MLLT1: variants seen among roughly 807,000 people sequenced by gnomAD.
MLLT1 encodes the protein MLLT1 super elongation complex subunit.
MLLT1 carries 11 observed loss-of-function variants against 55.1 expected under a neutral mutation model. The observed-to-expected ratio is 0.20, with a 90% confidence interval of 0.13 to 0.33. MLLT1 has a LOEUF of 0.33. Among genes scored for constraint, MLLT1 ranks in the 10% least tolerant of loss-of-function variants. The pLI, the probability that MLLT1 is intolerant of heterozygous loss-of-function variation, is 1.00. For synonymous variants in MLLT1, 323 were observed against 320.1 expected (o/e 1.01, Z -0.10); for missense variants, 536 against 760.6 (o/e 0.70, Z 3.47).
At chr19:6,265,069 A>C (rs1449641643) in intron 2 of MLLT1, among the ~76,000 whole-genome samples, 2 of 147,832 alleles carry the variant, frequency 1.4e-5, no homozygotes, top group African/African-American at 2.5e-5. Flanking sequence ...AAAAAACAAA[A>C]AAAAACATGA....
Position 6,240,061 on chromosome 19 carries a change from G to C in MLLT1, c.277-9348C>G, listed in dbSNP as rs2091100689. Among the ~76,000 whole-genome samples the C allele has an allele frequency of 6.6e-6, 1 of 152,156 alleles. No individual in the cohort carries two copies. Among genetic ancestry groups the C allele is most frequent in the African/African-American group, 2.4e-5 (1 of 41,430 alleles). On this transcript the variant is annotated intron_variant, in intron 3 of 11. Coordinates refer to ENST00000252674, the MANE Select transcript of MLLT1 (RefSeq NM_005934.4). This position sits in a 1 kb window ranked among gnomAD's most constrained non-coding sequence, Gnocchi z 4.7. ...ACTGTGTGACCCTGGACGGGCTGCT[G>C]CACCTCTCTGAGCCTCAGAGAGAGG...
At chr19:6,247,224 AG>A (rs1223772828) in intron 3 of MLLT1, among the ~76,000 whole-genome samples, 1 of 152,178 alleles carries the variant, frequency 6.6e-6, no homozygotes, top group Non-Finnish European at 1.5e-5. Context: ...GTCATATGAG[AG>A]AACCTAAACG....
At position 6,213,735 on chromosome 19, in the gene MLLT1, G is replaced by A. The variant is rs372936268; in HGVS notation, c.1470C>T (p.Thr490=). The change falls in exon 10 of 12, where the codon ACC becomes ACT. Residue 490 remains threonine, a synonymous_variant. Transcript: ENST00000252674. ...GTAGGTGCCCCCCCACCTTGTCGTA[G>A]GTGCCCTTCTTGAGGATCTTCTCAG... is the stretch of plus-strand genomic sequence containing the variant. ...SKPEKILKKG[T]YDKAYTDELV... is the part of the protein sequence containing the mutation. The A allele has an allele frequency of 1.0e-4, 161 of 1,607,786 alleles. No individual in the cohort carries two copies. Among genetic ancestry groups the A allele is most frequent in the Non-Finnish European group, 1.3e-4 (158 of 1,178,762 alleles).
At chr19:6,277,224 T>C (rs1261651396) in intron 1 of MLLT1, among the ~76,000 whole-genome samples, 2 of 152,212 alleles carry the variant, frequency 1.3e-5, no homozygotes, top group Non-Finnish European at 2.9e-5. Context: ...GACAGAACCC[T>C]TGGGCCTCTC....
In MLLT1 at chr19:6,222,548, T is replaced by C; in HGVS notation, c.683A>G (p.Asp228Gly). The change falls in exon 6 of 12, where the codon GAC (aspartate) becomes GGC (glycine). Residue 228 changes from aspartate to glycine, a missense_variant. Around this residue, in one of 3 missense-constraint regions of MLLT1, gnomAD observed 449 missense variants for 489.0 expected, o/e 0.92. Transcript: ENST00000252674. This position sits in a 1 kb window ranked among gnomAD's most constrained non-coding sequence, Gnocchi z 4.1. ...LEREQAKSSK[D>G]TSRKLGEGRL... The stretch of plus-strand genomic sequence containing the variant: ...GCCCTCGCCCAGCTTCCGCGAGGTG[T>C]CCTTGGAGCTTTTGGCCTGCTCACG... 1 of 1,601,018 alleles carries C rather than the reference T, an allele frequency of 6.2e-7. No individual in the cohort carries two copies. Among genetic ancestry groups the C allele is most frequent in the Non-Finnish European group, 8.5e-7 (1 of 1,179,746 alleles).
At position 6,227,233 on chromosome 19, in the gene MLLT1, A is replaced by G; in HGVS notation, c.421-131T>C. 1 of 922,120 alleles carries G rather than the reference A, an allele frequency of 1.1e-6. No individual in the cohort carries two copies. Among genetic ancestry groups the G allele is most frequent in the Non-Finnish European group, 1.6e-6 (1 of 638,808 alleles). 57.1% of individuals were successfully genotyped at this position (922,120 alleles called of 1,614,324 possible). On this transcript the variant is annotated intron_variant, in intron 4 of 11. Coordinates refer to ENST00000252674, the MANE Select transcript of MLLT1 (RefSeq NM_005934.4). This position sits in a 1 kb window ranked among gnomAD's most constrained non-coding sequence, Gnocchi z 5.1. ...AGAGCCTGAGCGCTTTCCCGAAAGA[A>G]TCCCAGGTGCTTCCCTGCTGGGGAC...
At chr19:6,246,737 C>A (rs940102452) in intron 3 of MLLT1, among the ~76,000 whole-genome samples, 1 of 152,040 alleles carries the variant, frequency 6.6e-6, no homozygotes, top group Non-Finnish European at 1.5e-5. Context: ...GTAAACGTCA[C>A]GGAATACAAA....
chr19:6,266,192 G>T (rs973851521), intron 2 of MLLT1, among the ~76,000 whole-genome samples: 2 of 149,628 alleles, frequency 1.3e-5, no homozygotes, highest in African/African-American at 5.0e-5. Context: ...CAGGAGGACT[G>T]CTTCAGCCCA....
At chr19:6,237,086 G>C (rs1421217670) in intron 3 of MLLT1, among the ~76,000 whole-genome samples, 1 of 152,262 alleles carries the variant, frequency 6.6e-6, no homozygotes, top group African/African-American at 2.4e-5. Flanking sequence ...CCGGGGTGGG[G>C]AGTCCAGGCA....
chr19:6,252,461 A>C (rs2091224657), intron 3 of MLLT1, among the ~76,000 whole-genome samples: 1 of 152,224 alleles, frequency 6.6e-6, no homozygotes, highest in Non-Finnish European at 1.5e-5. Context: ...GTCTGGAGAA[A>C]AAACCCCAAC....
At position 6,213,690 on chromosome 19, in the gene MLLT1, C is replaced by T. The variant is rs1437980733; in HGVS notation, c.1479+36G>A. On this transcript the variant is annotated intron_variant, in intron 10 of 11. Coordinates refer to ENST00000252674, the MANE Select transcript of MLLT1 (RefSeq NM_005934.4). ...CTGCAACTCCCACCACCCACCCCTC[C>T]GTAGCCTCCCCGCCTTGTCGTAGGT... 4.3e-5 allele frequency: 64 copies of T among 1,495,356 alleles called. 1 individual carries two copies. Among genetic ancestry groups the T allele is most frequent in the South Asian group, 2.4e-4 (21 of 86,390 alleles). The allele number at this position is 1,495,356 out of a possible 1,614,324, so 92.6% of individuals were successfully genotyped here. A position where few individuals can be genotyped will look rare whatever the true frequency, so the allele number is the denominator to read the frequency against.
Position 6,222,430 on chromosome 19 carries a change from G to T in MLLT1, c.801C>A (p.Ser267=), listed in dbSNP as rs1340567965. ...GTGGGGGTGGGGGCCCACCCTTGGG[G>T]GACGTGCTTTCCAGCTTGGTCTCTT... ...ALKETKLEST[S]PKGGPPPPPP... Residue 267 remains serine (S), a synonymous_variant, in exon 6 of 12, where the codon TCC becomes TCA. Coordinates refer to ENST00000252674, the MANE Select transcript of MLLT1 (RefSeq NM_005934.4). The surrounding 1 kb of genome is among the most constrained non-coding windows in gnomAD (Gnocchi z 4.1). 2.6e-6 allele frequency: 4 copies of T among 1,533,982 alleles called. No homozygotes were observed. The highest frequency in any genetic ancestry group is 3.5e-6 in the Non-Finnish European group (4 of 1,143,784).
chr19:6,213,240 G>T (rs1329343596), intron 11 of MLLT1, 70 bp from the exon 12 acceptor site: 1 of 1,610,172 alleles, frequency 6.2e-7, no homozygotes, highest in Admixed American at 1.7e-5. Flanking sequence ...CCCTAACAGA[G>T]GTAGGGGCTC....
intron 5 of MLLT1, among the ~76,000 whole-genome samples, chr19:6,225,271 A>G (rs1194490115): frequency 6.6e-6 from 1 of 152,182 alleles, no homozygotes. Context: ...TGCACTCACC[A>G]GCAGTCCCCC....
At chr19:6,238,566 G>A (rs2091084403) in intron 3 of MLLT1, among the ~76,000 whole-genome samples, 1 of 152,232 alleles carries the variant, frequency 6.6e-6, no homozygotes, top group African/African-American at 2.4e-5. Context: ...TTAGAAAGGA[G>A]AATTAAATAG....
At chr19:6,278,658 T>A (rs1162447204) in intron 1 of MLLT1, among the ~76,000 whole-genome samples, 3 of 152,126 alleles carry the variant, frequency 2.0e-5, no homozygotes, top group Admixed American at 1.3e-4. Context: ...AGATCTGGAC[T>A]GGGGTCAAGT....
chr19:6,230,724 G>A lies in MLLT1; in HGVS notation c.277-11C>T, dbSNP rs781190498. 1.9e-6 allele frequency: 3 copies of A among 1,613,872 alleles called. No individual in the cohort carries two copies. Among genetic ancestry groups the A allele is most frequent in the Middle Eastern group, 1.7e-4 (1 of 6,046 alleles). ...CTTCCTCGGCTCCTCCTGAAACAGAGAAAACAAGAAAGTCTGCATCAGAGG... is the reference window on the plus strand; with the variant it reads ...CTTCCTCGGCTCCTCCTGAAACAGAAAAAACAAGAAAGTCTGCATCAGAGG... On this transcript the variant is annotated splice_polypyrimidine_tract_variant and intron_variant, in intron 3 of 11. Transcript: ENST00000252674. The surrounding 1 kb of genome is among the most constrained non-coding windows in gnomAD (Gnocchi z 9.0).
chr19:6,212,376 G>C lies in MLLT1; in HGVS notation c.*666C>G. ...CGGCCTCCAGCCCCACACCACCGCA[G>C]AGACATCTTAACCTACAAGCCCCAC... On this transcript the variant is annotated 3_prime_UTR_variant, in exon 12 of 12. Coordinates refer to ENST00000252674, the MANE Select transcript of MLLT1 (RefSeq NM_005934.4). The C allele has an allele frequency of 9.4e-7, 1 of 1,066,356 alleles. No homozygotes were observed. Among genetic ancestry groups the C allele is most frequent in the South Asian group, 4.5e-5 (1 of 21,992 alleles). 66.1% of individuals were successfully genotyped at this position (1,066,356 alleles called of 1,614,324 possible). A position where few individuals can be genotyped will look rare whatever the true frequency, so the allele number is the denominator to read the frequency against.
At chr19:6,260,943 T>A (rs574077312) in intron 3 of MLLT1, among the ~76,000 whole-genome samples, 1 of 152,310 alleles carries the variant, frequency 6.6e-6, no homozygotes, top group South Asian at 2.1e-4. Flanking sequence ...AAACTGCCCA[T>A]ACAGATGGTG....
Sources: allele counts gnomAD v4.1 joint callset (sites outside exome capture counted in the v4.1 genomes callset), GRCh38; gene constraint gnomAD v4.1.1; regional missense constraint gnomAD v4.1.1; non-coding constraint Gnocchi (gnomAD v3.1); transcripts MANE v1.5; gene names NCBI Gene and HGNC (gene_info 2026-07-23, HGNC 2026-07-21).